The following GUCY1A2 variants were observed in gnomAD, a reference collection of about 807,000 sequenced individuals.
The protein encoded by GUCY1A2 is guanylate cyclase 1 soluble subunit alpha 2, also known as guanylate cyclase soluble subunit alpha-2.
A neutral mutation model predicts 63.5 loss-of-function variants in GUCY1A2; 27 were observed. That is an observed-to-expected ratio of 0.43 (90% CI 0.31 to 0.59). The LOEUF (loss-of-function observed/expected upper bound fraction) is 0.59. Among genes scored for constraint, GUCY1A2 ranks in the 20% least tolerant of loss-of-function variants. The probability of loss-of-function intolerance (pLI) is 0.11; values close to 1 mark genes in which losing one functional copy is unlikely to be tolerated. For missense variants in GUCY1A2, 768 were observed against 913.3 expected (o/e 0.84, Z 2.05); for synonymous variants, 364 against 343.5 (o/e 1.06, Z -0.66).
Position 106,776,648 on chromosome 11 carries a change from T to C in GUCY1A2, c.1693-66A>G, listed in dbSNP as rs145756875. The C allele has an allele frequency of 5.2e-5, 74 of 1,432,098 alleles. No homozygotes were observed. In the East Asian group the frequency reaches 1.1e-3, roughly 21 times the overall value. 88.7% of individuals were successfully genotyped at this position (1,432,098 alleles called of 1,614,324 possible). On this transcript the variant is annotated intron_variant, in intron 5 of 7. Transcript: ENST00000526355. ...GAGCCCAAAGAGAAATGATTAGTTATCTGCAATCACAAATGTTGCTGAAAA... is the reference window on the plus strand; with the variant it reads ...GAGCCCAAAGAGAAATGATTAGTTACCTGCAATCACAAATGTTGCTGAAAA...
chr11:106,861,800 T>C (rs1463864006), intron 4 of GUCY1A2, among the ~76,000 whole-genome samples: 2 of 152,038 alleles, frequency 1.3e-5, no homozygotes, highest in Non-Finnish European at 2.9e-5. Flanking sequence ...AACACTTTTA[T>C]CTCATTTTTC....
At chr11:106,721,199 C>T (rs1252850363) in intron 6 of GUCY1A2, among the ~76,000 whole-genome samples, 1 of 151,922 alleles carries the variant, frequency 6.6e-6, no homozygotes, top group African/African-American at 2.4e-5. Flanking sequence ...GCTGGGACTA[C>T]AGGCGTGCGC....
At chr11:106,758,655 T>C (rs990167877) in intron 6 of GUCY1A2, among the ~76,000 whole-genome samples, 7 of 152,222 alleles carry the variant, frequency 4.6e-5, no homozygotes, top group African/African-American at 1.4e-4. Context: ...AATATAGGTT[T>C]CAACAACTAG....
rs148307643 is a variant in GUCY1A2 at position 106,703,070 on chromosome 11, A to G, written c.1991+5442T>C. Among the ~76,000 whole-genome samples the G allele has an allele frequency of 3.7e-3, 569 of 152,256 alleles. 6 individuals carry two copies. The highest frequency in any genetic ancestry group is 0.013 in the African/African-American group (554 of 41,556). On this transcript the variant is annotated intron_variant, in intron 7 of 7. Transcript: ENST00000526355. Reference sequence around the variant, plus strand: ...CCATAATAAAACCAGGCAGAAGAACATGGAAAGATTAGACTGGTTTAGTCT... The same window carrying G: ...CCATAATAAAACCAGGCAGAAGAACGTGGAAAGATTAGACTGGTTTAGTCT...
intron 6 of GUCY1A2, among the ~76,000 whole-genome samples, chr11:106,764,225 C>T (rs1864118591): frequency 6.6e-6 from 1 of 152,054 alleles, no homozygotes; most frequent in Non-Finnish European, 1.5e-5. Context: ...AGACATTGCA[C>T]TGCTATTACG....
At chr11:106,772,991 T>C (rs1565285028) in intron 6 of GUCY1A2, among the ~76,000 whole-genome samples, 2 of 152,196 alleles carry the variant, frequency 1.3e-5, no homozygotes, top group Non-Finnish European at 2.9e-5. Context: ...TTTCCCATTT[T>C]CATCACTGGT....
intron 6 of GUCY1A2, among the ~76,000 whole-genome samples, chr11:106,756,687 T>C (rs1863979767): frequency 6.6e-6 from 1 of 152,254 alleles, no homozygotes; most frequent in African/African-American, 2.4e-5. Context: ...CACTCTCTTC[T>C]GGCTTTTAGG....
chr11:106,959,025 TAGCATCGTGGGTG>T (rs1332722260), intron 3 of GUCY1A2, among the ~76,000 whole-genome samples: 3 of 152,206 alleles, frequency 2.0e-5, no homozygotes, highest in Non-Finnish European at 4.4e-5. Flanking sequence ...ACTGCTTCTT[TAGCATCGTGGGTG>T]AGGCAACCCT....
intron 4 of GUCY1A2, among the ~76,000 whole-genome samples, chr11:106,835,042 A>G (rs1390721121): frequency 6.6e-6 from 1 of 152,004 alleles, no homozygotes; most frequent in African/African-American, 2.4e-5. Flanking sequence ...AACAATCACC[A>G]AATTTACAAT....
At position 106,759,892 on chromosome 11, in the gene GUCY1A2, G is replaced by A. The variant is rs565029535; in HGVS notation, c.1836+16547C>T. 7.9e-5 allele frequency among the ~76,000 whole-genome samples: 12 copies of A among 152,274 alleles called. No homozygotes were observed. The South Asian group carries it at 1.7e-3, about 21-fold the overall frequency. ...GAAGCTTGCAGTGAGCAGACATTGCGCCACAGCATTCCAGCCTAGGTGACA... is the reference window on the plus strand; with the variant it reads ...GAAGCTTGCAGTGAGCAGACATTGCACCACAGCATTCCAGCCTAGGTGACA... On this transcript the variant is annotated intron_variant, in intron 6 of 7. Transcript: ENST00000526355.
At position 106,747,234 on chromosome 11, in the gene GUCY1A2, C is replaced by T. The variant is rs894131142; in HGVS notation, c.1836+29205G>A. On this transcript the variant is annotated intron_variant, in intron 6 of 7. Coordinates refer to ENST00000526355, the MANE Select transcript of GUCY1A2 (RefSeq NM_000855.3). ...CGATCTCCTGACCTCGTGATCTGCC[C>T]GCCTCGGCCTGCCAAAGTGCTGGGA... Among the ~76,000 whole-genome samples, 5 of 152,146 alleles carry T rather than the reference C, an allele frequency of 3.3e-5. No individual in the cohort carries two copies. In the East Asian group the frequency reaches 7.7e-4, roughly 24 times the overall value.
At chr11:106,690,313 A>G (rs1397220681) in intron 7 of GUCY1A2, among the ~76,000 whole-genome samples, 1 of 151,692 alleles carries the variant, frequency 6.6e-6, no homozygotes, top group Non-Finnish European at 1.5e-5. Context: ...AATGTGGTAA[A>G]TACGGACTAT....
At chr11:106,746,895 G>A (rs949286707) in intron 6 of GUCY1A2, among the ~76,000 whole-genome samples, 2 of 152,170 alleles carry the variant, frequency 1.3e-5, no homozygotes, top group East Asian at 1.9e-4. Context: ...AGGCACCCAC[G>A]TGATAAAAAA....
chr11:106,742,657 A>G (rs1863715192), intron 6 of GUCY1A2, among the ~76,000 whole-genome samples: 1 of 152,172 alleles, frequency 6.6e-6, no homozygotes, highest in Non-Finnish European at 1.5e-5. Flanking sequence ...ACATGTGTGC[A>G]TGTATCTTTA....
chr11:106,849,833 A>G (rs1190293785), intron 4 of GUCY1A2, among the ~76,000 whole-genome samples: 3 of 151,700 alleles, frequency 2.0e-5, no homozygotes, highest in African/African-American at 7.2e-5. Context: ...GAAGGAGAAC[A>G]TAATAGAGGT....
intron 4 of GUCY1A2, among the ~76,000 whole-genome samples, chr11:106,882,690 C>T (rs181576946): frequency 1.2e-3 from 189 of 151,950 alleles, no homozygotes; most frequent in Middle Eastern, 3.4e-3. Context: ...CTGTAATTTC[C>T]CCAGCATTAT....
chr11:106,876,901 C>G (rs777549958), intron 4 of GUCY1A2, among the ~76,000 whole-genome samples: 8 of 152,056 alleles, frequency 5.3e-5, no homozygotes, highest in Admixed American at 6.6e-5. Flanking sequence ...AATCTGTTAT[C>G]TGACATGACA....
In GUCY1A2 at chr11:106,674,458, A is replaced by G. The variant is rs528898677; in HGVS notation, c.*13091T>C. On this transcript the variant is annotated 3_prime_UTR_variant, in exon 8 of 8. Coordinates refer to ENST00000526355, the MANE Select transcript of GUCY1A2 (RefSeq NM_000855.3). ...TCAGAAAAAGTTTCTTTAAACCTGT[A>G]CTACTAGATAAAGAAAAATATTTTA... 2 of 176,192 alleles carry G rather than the reference A, an allele frequency of 1.1e-5. No individual in the cohort carries two copies. The highest frequency in any genetic ancestry group is 4.0e-4 in the South Asian group (2 of 5,030). 10.9% of individuals were successfully genotyped at this position (176,192 alleles called of 1,614,324 possible). A position where few individuals can be genotyped will look rare whatever the true frequency, so the allele number is the denominator to read the frequency against.
chr11:106,826,425 A>C, intron 4 of GUCY1A2: 1 of 1,562,162 alleles, frequency 6.4e-7, no homozygotes, highest in South Asian at 1.1e-5. Flanking sequence ...CAATATTTGG[A>C]TCTAGCAGAT....
Sources: allele counts gnomAD v4.1 joint callset (sites outside exome capture counted in the v4.1 genomes callset), GRCh38; gene constraint gnomAD v4.1.1; transcripts MANE v1.5; gene names NCBI Gene and HGNC (gene_info 2026-07-23, HGNC 2026-07-21).